Variants in MS4A4E observed in about 807,000 individuals in gnomAD.
MS4A4E encodes putative membrane-spanning 4-domains subfamily A member 4E.
MS4A4E carries 23 observed loss-of-function variants against 13.3 expected under a neutral mutation model. That is an observed-to-expected ratio of 1.73 (90% CI 1.25 to 2.45). The LOEUF is 2.45. MS4A4E is among the 30% of genes most tolerant of loss of function. The probability of loss-of-function intolerance (pLI) is 0.00; values close to 1 mark genes in which losing one functional copy is unlikely to be tolerated. For synonymous variants in MS4A4E, 36 were observed against 45.6 expected, an observed-to-expected ratio of 0.79 and a Z score of 0.85; for missense variants, 144 against 131.2, an observed-to-expected ratio of 1.10 and a Z score of -0.48.
intron 1 of MS4A4E, among the ~76,000 whole-genome samples, chr11:60,241,193 T>G (rs1284939736): frequency 6.6e-6 from 1 of 152,042 alleles, no homozygotes; most frequent in African/African-American, 2.4e-5. Flanking sequence ...CTGGCTAATT[T>G]TTTTGTATTT....
chr11:60,213,405 G>A, intron 4 of MS4A4E: 6 of 1,075,418 alleles, frequency 5.6e-6, no homozygotes, highest in Non-Finnish European at 8.1e-6. Context: ...TAGCTGGACA[G>A]TCATGTCTGT....
chr11:60,225,223 T>C, intron 3 of MS4A4E: 1 of 871,254 alleles, frequency 1.1e-6, no homozygotes, highest in Non-Finnish European at 1.6e-6. Context: ...TATTCTGTTG[T>C]CACTCTTTTT....
chr11:60,213,309 C>T, intron 4 of MS4A4E, 177 bp from the exon 5 acceptor site: 1 of 1,534,946 alleles, frequency 6.5e-7, no homozygotes, highest in Non-Finnish European at 8.7e-7. Context: ...CATTATTCTC[C>T]AGCTTAAATT....
Position 60,200,278 on chromosome 11 carries a change from A to T in MS4A4E, c.*1265T>A, listed in dbSNP as rs1006574379. Among the ~76,000 whole-genome samples, 1 of 151,380 alleles carries T rather than the reference A, an allele frequency of 6.6e-6. No individual in the cohort carries two copies. The highest frequency in any genetic ancestry group is 6.6e-5 in the Admixed American group (1 of 15,194). On this transcript the variant is annotated 3_prime_UTR_variant, in exon 9 of 9. Transcript: ENST00000651255. ...AAAAAATACTGGATAAATACTTTTT[A>T]TTTATTTATTTATTTATTTATTTAA...
rs1479583611 is a variant in MS4A4E at position 60,200,902 on chromosome 11, G to T, written c.*641C>A. On this transcript the variant is annotated 3_prime_UTR_variant, in exon 9 of 9. Coordinates refer to ENST00000651255, the MANE Select transcript of MS4A4E (RefSeq NM_001393391.1). ...GCACCCCTCACCTCCCGGACGGGGC[G>T]GCTGGCCGGGCGGGGGGCTGACCCC... 6.7e-6 allele frequency among the ~76,000 whole-genome samples: 1 copy of T among 149,852 alleles called. No homozygotes were observed. Among genetic ancestry groups the T allele is most frequent in the African/African-American group, 2.5e-5 (1 of 39,900 alleles).
At chr11:60,206,651 T>C in intron 6 of MS4A4E, 1 of 222,434 alleles carries the variant, frequency 4.5e-6, no homozygotes, top group Non-Finnish European at 1.0e-5. Flanking sequence ...TCTGGAGCAT[T>C]CTTCTGTTAA....
At chr11:60,219,749 G>C (rs1415353763) in intron 3 of MS4A4E, among the ~76,000 whole-genome samples, 2 of 152,134 alleles carry the variant, frequency 1.3e-5, no homozygotes, top group Admixed American at 6.5e-5. Context: ...ATTGGGGAAA[G>C]AAAGAAAAAA....
intron 3 of MS4A4E, among the ~76,000 whole-genome samples, chr11:60,219,411 T>G (rs1007512343): frequency 5.3e-5 from 8 of 152,188 alleles, no homozygotes; most frequent in African/African-American, 1.4e-4. Flanking sequence ...TAGTCTGACT[T>G]GTGTAGAGCT....
intron 8 of MS4A4E, 41 bp from the exon 9 acceptor site, chr11:60,201,920 G>A (rs976021368): frequency 1.2e-5 from 2 of 162,176 alleles, no homozygotes; most frequent in African/African-American, 4.8e-5. Flanking sequence ...CAAGTATACT[G>A]ACTCTACCTG....
intron 1 of MS4A4E, among the ~76,000 whole-genome samples, chr11:60,239,106 G>A (rs887885484): frequency 3.3e-5 from 5 of 152,164 alleles, no homozygotes; most frequent in South Asian, 2.1e-4. Context: ...TCTTCTATTC[G>A]CCAGACTAGT....
chr11:60,209,853 A>T (rs775012644), intron 5 of MS4A4E, among the ~76,000 whole-genome samples: 2 of 152,228 alleles, frequency 1.3e-5, no homozygotes, highest in Non-Finnish European at 2.9e-5. Flanking sequence ...TCAGGATATG[A>T]GTGAGGCAGA....
intron 3 of MS4A4E, among the ~76,000 whole-genome samples, chr11:60,219,066 A>G (rs1346061928): frequency 6.6e-6 from 1 of 152,204 alleles, no homozygotes; most frequent in Non-Finnish European, 1.5e-5. Context: ...AGAGGAAGGG[A>G]TCCAAAGGCT....
At chr11:60,220,268 A>C (rs978129289) in intron 3 of MS4A4E, among the ~76,000 whole-genome samples, 12 of 152,324 alleles carry the variant, frequency 7.9e-5, no homozygotes, top group African/African-American at 2.9e-4. Flanking sequence ...CATGAGCTTA[A>C]CCAAGTAGTG....
intron 6 of MS4A4E, among the ~76,000 whole-genome samples, 87 bp from the exon 7 acceptor site, chr11:60,205,907 G>C (rs1387840174): frequency 6.6e-6 from 1 of 151,898 alleles, no homozygotes; most frequent in Non-Finnish European, 1.5e-5. Context: ...ATACACATTT[G>C]ATTAAGATAT....
chr11:60,214,743 G>C, intron 3 of MS4A4E, 129 bp from the exon 4 acceptor site: 2 of 476,336 alleles, frequency 4.2e-6, no homozygotes, highest in Non-Finnish European at 7.1e-6. Flanking sequence ...AATTATCTTA[G>C]AAAGCAAGAG....
At chr11:60,242,523 G>A (rs548768824) in intron 1 of MS4A4E, among the ~76,000 whole-genome samples, 4 of 152,278 alleles carry the variant, frequency 2.6e-5, no homozygotes, top group African/African-American at 4.8e-5. Context: ...AATTCTGCAC[G>A]TGCTAGATCT....
chr11:60,225,974 C>T (rs925146688), intron 3 of MS4A4E, among the ~76,000 whole-genome samples: 1 of 151,774 alleles, frequency 6.6e-6, no homozygotes, highest in Admixed American at 6.6e-5. Context: ...GGGGGAATAT[C>T]ACTACAGTTC....
At chr11:60,222,880 A>G (rs534721674) in intron 3 of MS4A4E, among the ~76,000 whole-genome samples, 4 of 152,260 alleles carry the variant, frequency 2.6e-5, no homozygotes, top group East Asian at 3.9e-4. Context: ...CTACTCCACA[A>G]TGGAGGTAAG....
At chr11:60,205,077 T>C (rs767117700) in intron 7 of MS4A4E, among the ~76,000 whole-genome samples, 119 bp from the exon 8 acceptor site, 3 of 152,128 alleles carry the variant, frequency 2.0e-5, no homozygotes, top group Admixed American at 1.3e-4. Context: ...TGAGAAATCC[T>C]ATATACTGAG....
Sources: gnomAD v4.1 joint callset for allele counts (sites outside exome capture counted in the v4.1 genomes callset) on GRCh38, gnomAD v4.1.1 for gene constraint, MANE v1.5 for transcripts, NCBI Gene and HGNC (gene_info 2026-07-23, HGNC 2026-07-21) for gene names.